DST: variants seen among roughly 807,000 people sequenced by gnomAD.
DST encodes dystonin.
In DST, 253 loss-of-function variants were observed where a neutral mutation model predicts 875.2. The observed-to-expected ratio is 0.29, with a 90% CI of 0.26 to 0.32. The LOEUF (loss-of-function observed/expected upper bound fraction) is 0.32, where lower values mean the gene tolerates loss of function less well. Ranked by LOEUF, DST falls within the 10% of genes least tolerant of loss-of-function variation. The pLI is 1.00. For synonymous variants in DST, 3,124 were observed against 3,197.1 expected (o/e 0.98, Z 0.77); for missense variants, 8,287 against 9,111.6 (o/e 0.91, Z 3.68).
rs535057053 is a variant in DST, at chr6:56,954,688, G to C, written c.-101C>G. The C allele has an allele frequency of 6.7e-6, 5 of 751,500 alleles. No homozygotes were observed. The African/African-American group carries it at 7.7e-5, about 12-fold the overall frequency. 46.6% of individuals were successfully genotyped at this position (751,500 alleles called of 1,614,324 possible). A position where few individuals can be genotyped will look rare whatever the true frequency, so the allele number is the denominator to read the frequency against. On this transcript the variant is annotated 5_prime_UTR_variant, in exon 1 of 104. Transcript: ENST00000680361. ...CGGGACGGCGGGCACGGGTGAGCGC[G>C]GCTCAGCGCGTCATGCCTGGCGCTC...
chr6:56,530,757 C>A (rs1337924590), intron 64 of DST, among the ~76,000 whole-genome samples: 1 of 152,142 alleles, frequency 6.6e-6, no homozygotes, highest in African/African-American at 2.4e-5. Context: ...TTTAAAATAT[C>A]TTTGGAAATA....
At chr6:56,948,479 G>A (rs891224462) in intron 2 of DST, among the ~76,000 whole-genome samples, 1 of 152,192 alleles carries the variant, frequency 6.6e-6, no homozygotes, top group African/African-American at 2.4e-5. Flanking sequence ...AGGACAAAGT[G>A]GGATTGGAGC....
At chr6:56,695,126 C>CAAAAAAAAAAAAAAAAAAA (rs34456344) in intron 9 of DST, among the ~76,000 whole-genome samples, 13 of 70,052 alleles carry the variant, frequency 1.9e-4, no homozygotes, top group African/African-American at 7.2e-4. Flanking sequence ...GACTCCCTCT[C>CAAAAAAAAAAAAAAAAAAA]AAAAAAAAAA....
rs183375358 is a variant in DST, at chr6:56,569,012, A to T, written c.13879-417T>A. On this transcript the variant is annotated intron_variant, in intron 54 of 103. Transcript: ENST00000680361. ...TTTACAGCATATTTTAATCCTAAAA[A>T]TTTCAATTACTTTTAAAAACACACA... 2.9e-3 allele frequency among the ~76,000 whole-genome samples: 438 copies of T among 152,262 alleles called. 1 individual carries two copies. The highest frequency in any genetic ancestry group is 5.4e-3 in the Non-Finnish European group (370 of 68,018).
chr6:56,831,601 C>A (rs959503122), intron 4 of DST, among the ~76,000 whole-genome samples: 1 of 152,070 alleles, frequency 6.6e-6, no homozygotes, highest in East Asian at 1.9e-4. Flanking sequence ...GGTCCACTTT[C>A]GTCACCAAAC....
At chr6:56,586,488 G>C (rs532626002) in intron 49 of DST, among the ~76,000 whole-genome samples, 69 of 151,730 alleles carry the variant, frequency 4.5e-4, no homozygotes, top group African/African-American at 1.6e-3. Flanking sequence ...GCCTATGTGT[G>C]TCTCTGCATG....
chr6:56,863,432 A>C (rs1431505452), intron 3 of DST, among the ~76,000 whole-genome samples: 2 of 152,182 alleles, frequency 1.3e-5, no homozygotes, highest in African/African-American at 2.4e-5. Context: ...AATTGTTCCC[A>C]CTGCATTTAT....
At chr6:56,836,856 AAAAAAAAG>A (rs1389094636) in intron 4 of DST, among the ~76,000 whole-genome samples, 1 of 147,532 alleles carries the variant, frequency 6.8e-6, no homozygotes, top group Non-Finnish European at 1.5e-5. Flanking sequence ...ATCTCAAAAA[AAAAAAAAG>A]AAAGAAAAAA....
intron 4 of DST, among the ~76,000 whole-genome samples, chr6:56,741,272 T>C (rs948337870): frequency 6.6e-6 from 1 of 152,228 alleles, no homozygotes. Context: ...GCTAATAACA[T>C]GATATTTCGT....
rs1265097003 is a variant in DST at position 56,458,550 on chromosome 6, T to C, written c.*455A>G. On this transcript the variant is annotated 3_prime_UTR_variant, in exon 104 of 104. Transcript: ENST00000680361. ...AAGACTGCGTGTGGGTGTGTTTGTC[T>C]TTTTGTCTTCCATCTTTTGGTTTAC... 1 of 153,144 alleles carries C rather than the reference T, an allele frequency of 6.5e-6. No homozygotes were observed. Among genetic ancestry groups the C allele is most frequent in the East Asian group, 1.9e-4 (1 of 5,214 alleles). The allele number at this position is 153,144 out of a possible 1,614,324, so 9.5% of individuals were successfully genotyped here. A position where few individuals can be genotyped will look rare whatever the true frequency, so the allele number is the denominator to read the frequency against.
At chr6:56,756,808 G>A (rs182707706) in intron 4 of DST, among the ~76,000 whole-genome samples, 1 of 152,284 alleles carries the variant, frequency 6.6e-6, no homozygotes, top group East Asian at 1.9e-4. Flanking sequence ...GACTAGATCA[G>A]CCATAAAAGA....
chr6:56,941,090 CT>C (rs375404966), intron 2 of DST, among the ~76,000 whole-genome samples: 116 of 152,182 alleles, frequency 7.6e-4, no homozygotes, highest in African/African-American at 2.6e-3. Flanking sequence ...GTTTAGTTTG[CT>C]TTTCCCCCCA....
intron 69 of DST, among the ~76,000 whole-genome samples, chr6:56,520,997 T>C (rs2096687001): frequency 6.6e-6 from 1 of 152,092 alleles, no homozygotes; most frequent in South Asian, 2.1e-4. Flanking sequence ...CCACTTAAAA[T>C]AATCTATCTT....
chr6:56,616,470 CATT>C, intron 36 of DST: 1 of 1,614,036 alleles, frequency 6.2e-7, no homozygotes, highest in East Asian at 2.2e-5. Flanking sequence ...GTTTTCTTGA[CATT>C]GAGATTGGAA....
intron 93 of DST, among the ~76,000 whole-genome samples, chr6:56,473,111 G>A (rs1023231030): frequency 3.9e-5 from 6 of 152,182 alleles, no homozygotes; most frequent in African/African-American, 1.4e-4. Context: ...TACAGATGAG[G>A]AAACTGAGGT....
intron 4 of DST, among the ~76,000 whole-genome samples, chr6:56,817,643 A>T (rs561425882): frequency 1.3e-5 from 2 of 152,294 alleles, no homozygotes; most frequent in South Asian, 4.1e-4. Context: ...TTATGAAATC[A>T]TATTTTTATG....
chr6:56,754,905 T>C (rs575977950), intron 4 of DST, among the ~76,000 whole-genome samples: 1 of 152,268 alleles, frequency 6.6e-6, no homozygotes, highest in African/African-American at 2.4e-5. Context: ...TTAGGTACTC[T>C]TCAGAATCAG....
chr6:56,864,218 A>C (rs1435923314), intron 3 of DST: 5 of 152,220 alleles, frequency 3.3e-5, no homozygotes, highest in African/African-American at 1.2e-4. Context: ...ATTTGGACTC[A>C]AGACTGCAAT....
chr6:56,624,759 G>T (rs1349153861), intron 35 of DST, 131 bp from the exon 36 acceptor site: 1 of 692,986 alleles, frequency 1.4e-6, no homozygotes, highest in Non-Finnish European at 2.6e-6. Context: ...CATAATAAAT[G>T]ATAAGAATGA....
Sources: allele counts gnomAD v4.1 joint callset (sites outside exome capture counted in the v4.1 genomes callset), GRCh38; gene constraint gnomAD v4.1.1; transcripts MANE v1.5; gene names NCBI Gene and HGNC (gene_info 2026-07-23, HGNC 2026-07-21).